TIAL1: variants seen among roughly 807,000 people sequenced by gnomAD.
The protein encoded by TIAL1 is TIA1 cytotoxic granule associated RNA binding protein like 1.
A neutral mutation model predicts 59.7 loss-of-function variants in TIAL1; 7 were observed. That is an observed-to-expected ratio of 0.12 (90% CI 0.07 to 0.22). The LOEUF is 0.22. Among genes scored for constraint, TIAL1 ranks in the 10% least tolerant of loss-of-function variants. TIAL1 has a pLI of 1.00. For synonymous variants in TIAL1, 149 were observed against 146.3 expected (o/e 1.02, Z -0.13); for missense variants, 225 against 462.5 (o/e 0.49, Z 4.71).
chr10:119,577,736 T>C lies in TIAL1; in HGVS notation c.557A>G (p.Asn186Ser). 6.2e-7 allele frequency: 1 copy of C among 1,612,606 alleles called. No individual in the cohort carries two copies. The highest frequency in any genetic ancestry group is 8.5e-7 in the Non-Finnish European group (1 of 1,178,652). Residue 186 changes from asparagine to serine, a missense_variant and splice_region_variant, in exon 8 of 12, where the codon AAC becomes AGC. Asn to Ser is a conservative substitution (Grantham distance 46). Transcript: ENST00000436547. ...TTCAAATCTCAACTGCTTAGTGTTG[T>C]CTGTATGCAGAAACAAAACAAAAAC... ...KPPAPKSTQENNTKQLRFEDV... is the reference protein window; with the variant it reads ...KPPAPKSTQESNTKQLRFEDV...
rs1369757939 is a variant in TIAL1 at position 119,576,612 on chromosome 10, C to T, written c.1000G>A (p.Asp334Asn). The change falls in exon 11 of 12, where the codon GAT becomes AAT. Residue 334 changes from aspartate to asparagine, a missense_variant and splice_region_variant. Physicochemically the swap from Asp to Asn is conservative, Grantham distance 23. This residue lies in a region of TIAL1 where 68 missense variants were observed against 71.3 expected (regional missense o/e 0.95). Transcript: ENST00000436547. ...QPWNQQGFGV[D>N]QSPSAAWMGG... Reference sequence around the variant, plus strand: ...ACTGGAAAAACCCAAACAACTTACTCTACTCCAAATCCTTGTTGATTCCAT... The same window carrying T: ...ACTGGAAAAACCCAAACAACTTACTTTACTCCAAATCCTTGTTGATTCCAT... 1 of 1,613,136 alleles carries T rather than the reference C, an allele frequency of 6.2e-7. No individual in the cohort carries two copies. The highest frequency in any genetic ancestry group is 8.5e-7 in the Non-Finnish European group (1 of 1,179,790).
intron 1 of TIAL1, among the ~76,000 whole-genome samples, chr10:119,590,821 A>AAAGG (rs1845846066): frequency 6.6e-6 from 1 of 150,686 alleles, no homozygotes; most frequent in Admixed American, 6.6e-5. Context: ...AGAAAGAAAG[A>AAAGG]AACGAACAAG....
chr10:119,584,471 T>C (rs958523570), intron 2 of TIAL1, among the ~76,000 whole-genome samples: 1 of 152,140 alleles, frequency 6.6e-6, no homozygotes. Flanking sequence ...AGCTGCTAGA[T>C]ACTCTGCTAG....
Position 119,578,709 on chromosome 10 carries a change from C to T in TIAL1, c.556+17G>A. The T allele has an allele frequency of 6.4e-7, 1 of 1,563,524 alleles. No individual in the cohort carries two copies. The highest frequency in any genetic ancestry group is 1.1e-5 in the South Asian group (1 of 90,080). ...GTGAAGAATATAATTTTAACACACA[C>T]AGTGGACATATCTTACTTTCTTGTG... On this transcript the variant is annotated intron_variant, in intron 7 of 11. Transcript: ENST00000436547.
At chr10:119,588,701 G>T (rs1465577187) in intron 1 of TIAL1, among the ~76,000 whole-genome samples, 1 of 152,090 alleles carries the variant, frequency 6.6e-6, no homozygotes, top group East Asian at 1.9e-4. Context: ...AATTAAACCT[G>T]ATCCTATGAA....
intron 6 of TIAL1, among the ~76,000 whole-genome samples, chr10:119,579,249 G>A (rs758003731): frequency 1.3e-5 from 2 of 152,046 alleles, no homozygotes; most frequent in Non-Finnish European, 2.9e-5. Flanking sequence ...GAGGCAGCGC[G>A]ATCGCTTGAA....
chr10:119,596,416 C>G lies in TIAL1; in HGVS notation c.32+18G>C. Reference sequence around the variant, plus strand: ...CCGGGCCTCTTGGCGCCTGGCACCCCTCGTCTCGGGTACTCACAGAGTCCG... The same window carrying G: ...CCGGGCCTCTTGGCGCCTGGCACCCGTCGTCTCGGGTACTCACAGAGTCCG... On this transcript the variant is annotated intron_variant, in intron 1 of 11. Coordinates refer to ENST00000436547, the MANE Select transcript of TIAL1 (RefSeq NM_003252.4). 3.1e-6 allele frequency: 5 copies of G among 1,611,100 alleles called. No individual in the cohort carries two copies. The highest frequency in any genetic ancestry group is 4.2e-6 in the Non-Finnish European group (5 of 1,179,326).
At chr10:119,594,747 C>T (rs968334242) in intron 1 of TIAL1, among the ~76,000 whole-genome samples, 1 of 152,188 alleles carries the variant, frequency 6.6e-6, no homozygotes, top group South Asian at 2.1e-4. Flanking sequence ...GCCTCAGCCT[C>T]CCAAGTAGCA....
rs1455287616 is a variant in TIAL1, at chr10:119,596,741, A to G, written c.-276T>C. On this transcript the variant is annotated 5_prime_UTR_variant, in exon 1 of 12. Transcript: ENST00000436547. ...GGCGCGACCCGCCAGGTCACCGCTCAGGCCAGCCGCGACAGCCTGCAAGGG... is the reference window on the plus strand; with the variant it reads ...GGCGCGACCCGCCAGGTCACCGCTCGGGCCAGCCGCGACAGCCTGCAAGGG... The G allele has an allele frequency of 7.5e-6, 4 of 534,008 alleles. No homozygotes were observed. Among genetic ancestry groups the G allele is most frequent in the Admixed American group, 6.8e-5 (2 of 29,330 alleles). The allele number at this position is 534,008 out of a possible 1,614,324, so 33.1% of individuals were successfully genotyped here.
intron 7 of TIAL1, among the ~76,000 whole-genome samples, chr10:119,578,233 A>G (rs1189228787): frequency 6.6e-6 from 1 of 150,962 alleles, no homozygotes; most frequent in Non-Finnish European, 1.5e-5. Flanking sequence ...TCAAAAAAAA[A>G]AAAAAAAAAA....
chr10:119,579,425 C>A lies in TIAL1; in HGVS notation c.447+510G>T, dbSNP rs140192357. The stretch of plus-strand genomic sequence containing the variant: ...AAGCCCACTTTATTATTTAATGTTA[C>A]AGTTAATGCAAATGCTTACTTTGGT... On this transcript the variant is annotated intron_variant, in intron 6 of 11. Transcript: ENST00000436547. Among the ~76,000 whole-genome samples the A allele has an allele frequency of 4.1e-3, 619 of 152,288 alleles. 3 individuals carry two copies. The highest frequency in any genetic ancestry group is 0.014 in the African/African-American group (569 of 41,552).
intron 1 of TIAL1, among the ~76,000 whole-genome samples, chr10:119,594,146 T>C (rs779650132): frequency 1.3e-5 from 2 of 151,168 alleles, no homozygotes; most frequent in African/African-American, 4.9e-5. Flanking sequence ...CGTACTGACA[T>C]ACAAAACAAC....
In TIAL1 at chr10:119,577,483, T is replaced by C; in HGVS notation, c.705A>G (p.Arg235=). 1 of 1,613,916 alleles carries C rather than the reference T, an allele frequency of 6.2e-7. No individual in the cohort carries two copies. Among genetic ancestry groups the C allele is most frequent in the Non-Finnish European group, 8.5e-7 (1 of 1,179,928 alleles). Residue 235 remains arginine (R), a synonymous_variant, in exon 9 of 12, where the codon AGA becomes AGG. Coordinates refer to ENST00000436547, the MANE Select transcript of TIAL1 (RefSeq NM_003252.4). ...FSPFGQIMEI[R]VFPEKGYSFV... is the part of the protein sequence containing the mutation. ...ATGAATAGCCCTTTTCTGGGAAAACTCTTATTTCCATAATTTGTCCAAATG... is the reference window on the plus strand; with the variant it reads ...ATGAATAGCCCTTTTCTGGGAAAACCCTTATTTCCATAATTTGTCCAAATG...
At chr10:119,596,157 G>A (rs1415889868) in intron 1 of TIAL1, among the ~76,000 whole-genome samples, 1 of 151,988 alleles carries the variant, frequency 6.6e-6, no homozygotes. Context: ...AGCCTCAGCC[G>A]TGCAGAAACC....
At chr10:119,576,201 A>AG (rs1310470340) in intron 11 of TIAL1, among the ~76,000 whole-genome samples, 1 of 116,396 alleles carries the variant, frequency 8.6e-6, no homozygotes, top group Non-Finnish European at 1.8e-5. Flanking sequence ...TATCAACAAA[A>AG]GAAAAAAAAA....
chr10:119,582,231 T>C lies in TIAL1; in HGVS notation c.229-8A>G. On this transcript the variant is annotated splice_region_variant and splice_polypyrimidine_tract_variant and intron_variant, in intron 3 of 11. Coordinates refer to ENST00000436547, the MANE Select transcript of TIAL1 (RefSeq NM_003252.4). This position sits in a 1 kb window ranked among gnomAD's most constrained non-coding sequence, Gnocchi z 5.1. ...CCAGTTTACTTTGACCTCCTAAAAATAAAGATTATATTTAATAAAATTATT... is the reference window on the plus strand; with the variant it reads ...CCAGTTTACTTTGACCTCCTAAAAACAAAGATTATATTTAATAAAATTATT... 6.3e-7 allele frequency: 1 copy of C among 1,587,300 alleles called. No individual in the cohort carries two copies. Among genetic ancestry groups the C allele is most frequent in the Non-Finnish European group, 8.6e-7 (1 of 1,169,450 alleles).
chr10:119,580,124 C>A, intron 5 of TIAL1, 114 bp from the exon 6 acceptor site: 3 of 798,320 alleles, frequency 3.8e-6, no homozygotes, highest in South Asian at 4.3e-5. Flanking sequence ...TTCCAGTTAG[C>A]CCTAATTAAC....
At chr10:119,579,791 CTA>C (rs1396782331) in intron 6 of TIAL1, 142 bp downstream of exon 6, 17 of 561,034 alleles carry the variant, frequency 3.0e-5, no homozygotes, top group African/African-American at 9.8e-5. Context: ...AAATTATACT[CTA>C]TTATTAAAAC....
At chr10:119,587,761 C>T (rs939328162) in intron 2 of TIAL1, among the ~76,000 whole-genome samples, 4 of 152,300 alleles carry the variant, frequency 2.6e-5, no homozygotes, top group East Asian at 1.9e-4. Flanking sequence ...ACACACGAGA[C>T]GAACGGTGCT....
Sources: gnomAD v4.1 joint callset for allele counts (sites outside exome capture counted in the v4.1 genomes callset) on GRCh38, gnomAD v4.1.1 for gene constraint, gnomAD v4.1.1 regional missense constraint, Gnocchi (gnomAD v3.1) non-coding constraint, MANE v1.5 for transcripts, NCBI Gene and HGNC (gene_info 2026-07-23, HGNC 2026-07-21) for gene names.